Variants in OR2V2 observed in about 807,000 individuals in gnomAD.
OR2V2 encodes olfactory receptor 2V2.
For synonymous variants in OR2V2, 161 were observed against 151.3 expected (o/e 1.06, Z -0.47); for missense variants, 392 against 392.2 (o/e 1.00, Z 0.00).
rs201359383 is a variant in OR2V2, at chr5:181,155,136, G to A, written c.194G>A (p.Ser65Asn). The change falls in exon 2 of 2, where the codon AGC becomes AAC. Residue 65 changes from serine (S) to asparagine (N), a missense_variant. Coordinates refer to ENST00000641492, the MANE Select transcript of OR2V2 (RefSeq NM_206880.2). ...HLHTPMYFFL[S>N]QLSLMDLMLV... is the part of the protein sequence containing the mutation. ...CACACCCCCATGTACTTCTTCCTCA[G>A]CCAGCTCTCCCTCATGGACCTCATG... 4.3e-6 allele frequency: 7 copies of A among 1,614,142 alleles called. No individual in the cohort carries two copies. The Admixed American group carries it at 5.0e-5, about 12-fold the overall frequency.
chr5:181,154,273 A>G (rs528825068), intron 1 of OR2V2, among the ~76,000 whole-genome samples: 1 of 152,280 alleles, frequency 6.6e-6, no homozygotes, highest in African/African-American at 2.4e-5. Flanking sequence ...ATTGTTTCCC[A>G]AGTCCATGTG....
Position 181,155,520 on chromosome 5 carries a change from C to T in OR2V2, c.578C>T (p.Thr193Ile), listed in dbSNP as rs1162051654. 1.2e-6 allele frequency: 2 copies of T among 1,614,142 alleles called. No homozygotes were observed. The highest frequency in any genetic ancestry group is 2.2e-5 in the South Asian group (2 of 91,086). The part of the protein sequence containing the change: ...LSLLKLACVD[T>I]SLFEKVIFAC... The stretch of plus-strand genomic sequence containing the variant: ...TTGTTGAAGCTGGCCTGTGTAGACA[C>T]ATCCCTGTTTGAGAAGGTGATATTT... The change falls in exon 2 of 2, where the codon ACA (threonine) becomes ATA (isoleucine). Residue 193 changes from threonine to isoleucine, a missense_variant. Physicochemically the swap from Thr to Ile is moderately conservative, Grantham distance 89. Coordinates refer to ENST00000641492, the MANE Select transcript of OR2V2 (RefSeq NM_206880.2).
chr5:181,147,630 C>T lies in OR2V2; in HGVS notation c.-390C>T. ...AGTGGGAGGCGGTTCTGGAACCTGG[C>T]CAGAGCCAGGGTGTCCTGGAGGCAG... On this transcript the variant is annotated 5_prime_UTR_variant, in exon 1 of 2. Coordinates refer to ENST00000641492, the MANE Select transcript of OR2V2 (RefSeq NM_206880.2). 1 of 216,828 alleles carries T rather than the reference C, an allele frequency of 4.6e-6. No individual in the cohort carries two copies. The highest frequency in any genetic ancestry group is 9.0e-6 in the Non-Finnish European group (1 of 111,662). 13.4% of individuals were successfully genotyped at this position (216,828 alleles called of 1,614,324 possible).
Position 181,154,910 on chromosome 5 carries a change from T to C in OR2V2, c.-24-9T>C. 1 of 1,426,774 alleles carries C rather than the reference T, an allele frequency of 7.0e-7. No homozygotes were observed. 88.4% of individuals were successfully genotyped at this position (1,426,774 alleles called of 1,614,324 possible). On this transcript the variant is annotated splice_polypyrimidine_tract_variant and intron_variant, in intron 1 of 1. Transcript: ENST00000641492. The stretch of plus-strand genomic sequence containing the variant: ...CAGTCAATGTAACACATCTTGTCCA[T>C]ATTCTCAGGTGACCAGGAGCAACAA...
chr5:181,148,154 T>A (rs1446428907), intron 1 of OR2V2, among the ~76,000 whole-genome samples, 159 bp downstream of exon 1: 1 of 152,202 alleles, frequency 6.6e-6, no homozygotes, highest in Non-Finnish European at 1.5e-5. Context: ...TGGGGGGGCA[T>A]CCGCCTTCTG....
rs570784337 is a variant in OR2V2 at position 181,158,070 on chromosome 5, C to A, written c.*2180C>A. On this transcript the variant is annotated 3_prime_UTR_variant, in exon 2 of 2. Coordinates refer to ENST00000641492, the MANE Select transcript of OR2V2 (RefSeq NM_206880.2). Reference sequence around the variant, plus strand: ...CATTTCATTGGCATAGGCTTGATGTCCTTAATTCATTTCCCGCACAAGGAC... The same window carrying A: ...CATTTCATTGGCATAGGCTTGATGTACTTAATTCATTTCCCGCACAAGGAC... 1.4e-4 allele frequency: 22 copies of A among 152,240 alleles called. No homozygotes were observed. In the East Asian group the frequency reaches 3.7e-3, roughly 25 times the overall value. 9.4% of individuals were successfully genotyped at this position (152,240 alleles called of 1,614,324 possible). A position where few individuals can be genotyped will look rare whatever the true frequency, so the allele number is the denominator to read the frequency against.
At chr5:181,152,477 G>C in intron 1 of OR2V2, among the ~76,000 whole-genome samples, 1 of 152,196 alleles carries the variant, frequency 6.6e-6, no homozygotes, top group East Asian at 1.9e-4. Flanking sequence ...TTGGTGTCCT[G>C]TGAGATGCAG....
chr5:181,150,677 T>C (rs3901874), intron 1 of OR2V2, among the ~76,000 whole-genome samples: 44,067 of 151,970 alleles, frequency 0.29, 8,007 homozygotes, highest in African/African-American at 0.52. Flanking sequence ...ATAGAGCAGA[T>C]GATTCAGAAC....
intron 1 of OR2V2, among the ~76,000 whole-genome samples, chr5:181,153,809 A>G (rs1763222055): frequency 6.6e-6 from 1 of 152,262 alleles, no homozygotes; most frequent in African/African-American, 2.4e-5. Flanking sequence ...CCAGTGAAGT[A>G]TATCAGTTAC....
rs201359383 is a variant in OR2V2 at position 181,155,136 on chromosome 5, G to C, written c.194G>C (p.Ser65Thr). 1 of 1,614,024 alleles carries C rather than the reference G, an allele frequency of 6.2e-7. No individual in the cohort carries two copies. Among genetic ancestry groups the C allele is most frequent in the Non-Finnish European group, 8.5e-7 (1 of 1,180,046 alleles). Residue 65 changes from serine to threonine, a missense_variant, in exon 2 of 2, where the codon AGC becomes ACC. Coordinates refer to ENST00000641492, the MANE Select transcript of OR2V2 (RefSeq NM_206880.2). ...CACACCCCCATGTACTTCTTCCTCA[G>C]CCAGCTCTCCCTCATGGACCTCATG... ...HLHTPMYFFL[S>T]QLSLMDLMLV...
Position 181,155,912 on chromosome 5 carries a change from G to A in OR2V2, c.*22G>A. The A allele has an allele frequency of 6.3e-7, 1 of 1,590,034 alleles. No individual in the cohort carries two copies. The highest frequency in any genetic ancestry group is 1.3e-5 in the African/African-American group (1 of 74,426). On this transcript the variant is annotated 3_prime_UTR_variant, in exon 2 of 2. Transcript: ENST00000641492. ...CTGAACCCAGGGCATCCAGTGCCTG[G>A]CTCTGCCATCTCTTAGCTCCAGGGA...
At position 181,155,582 on chromosome 5, in the gene OR2V2, A is replaced by G. The variant is rs1763252730; in HGVS notation, c.640A>G (p.Ile214Val). Reference protein sequence around the residue: ...CVFMLLFPFSIIVASYAHILG... With the variant: ...CVFMLLFPFSVIVASYAHILG... ...CTTCATGCTTCTCTTCCCATTCTCC[A>G]TCATCGTGGCCTCCTATGCTCACAT... The change falls in exon 2 of 2, where the codon ATC (isoleucine) becomes GTC (valine). Residue 214 changes from isoleucine to valine, a missense_variant. Ile to Val is a conservative substitution (Grantham distance 29). Transcript: ENST00000641492. The G allele has an allele frequency of 6.2e-7, 1 of 1,614,036 alleles. No individual in the cohort carries two copies. The highest frequency in any genetic ancestry group is 8.5e-7 in the Non-Finnish European group (1 of 1,180,046).
At chr5:181,148,643 G>T (rs993232423) in intron 1 of OR2V2, among the ~76,000 whole-genome samples, 1 of 152,152 alleles carries the variant, frequency 6.6e-6, no homozygotes, top group Non-Finnish European at 1.5e-5. Context: ...ATCCCCCCAC[G>T]AGCACCAGAC....
chr5:181,148,146 G>A (rs76313065), intron 1 of OR2V2, among the ~76,000 whole-genome samples, 151 bp downstream of exon 1: 1 of 152,094 alleles, frequency 6.6e-6, no homozygotes, highest in Admixed American at 6.6e-5. Flanking sequence ...TGGATTTTTG[G>A]GGGGGCATCC....
rs1763261786 is a variant in OR2V2, at chr5:181,156,046, C to CTTTCTTTCTTTCTTTCTTTCTTTCT, written c.*160_*184dup. ...TTTTTAAACACTACATCAGTTCTTT[C>CTTTCTTTCTTTCTTTCTTTCTTTCT]TTTCTTTCTTTCTTTCTTTCTTTCT... On this transcript the variant is annotated 3_prime_UTR_variant, in exon 2 of 2. Coordinates refer to ENST00000641492, the MANE Select transcript of OR2V2 (RefSeq NM_206880.2). The CTTTCTTTCTTTCTTTCTTTCTTTCT allele has an allele frequency of 1.9e-6, 1 of 519,506 alleles. No homozygotes were observed. The highest frequency in any genetic ancestry group is 2.2e-5 in the African/African-American group (1 of 45,086). The allele number at this position is 519,506 out of a possible 1,614,324, so 32.2% of individuals were successfully genotyped here. A position where few individuals can be genotyped will look rare whatever the true frequency, so the allele number is the denominator to read the frequency against.
At chr5:181,150,656 C>T (rs1763179860) in intron 1 of OR2V2, among the ~76,000 whole-genome samples, 2 of 152,176 alleles carry the variant, frequency 1.3e-5, no homozygotes, top group Admixed American at 1.3e-4. Flanking sequence ...TCAGGACACT[C>T]AGCCAGTGGA....
chr5:181,151,613 C>G (rs1363585047), intron 1 of OR2V2, among the ~76,000 whole-genome samples: 1 of 152,102 alleles, frequency 6.6e-6, no homozygotes, highest in Non-Finnish European at 1.5e-5. Flanking sequence ...GGGGACATGA[C>G]TTTTGTAGGG....
Position 181,158,045 on chromosome 5 carries a change from C to T in OR2V2, c.*2155C>T, listed in dbSNP as rs1271517556. The T allele has an allele frequency of 6.6e-6, 1 of 152,220 alleles. No homozygotes were observed. 9.4% of individuals were successfully genotyped at this position (152,220 alleles called of 1,614,324 possible). A position where few individuals can be genotyped will look rare whatever the true frequency, so the allele number is the denominator to read the frequency against. On this transcript the variant is annotated 3_prime_UTR_variant, in exon 2 of 2. Transcript: ENST00000641492. ...GGAAATTCCTATTTCATTTTAATTG[C>T]ATTTCATTGGCATAGGCTTGATGTC...
At chr5:181,148,853 C>T (rs1763158720) in intron 1 of OR2V2, among the ~76,000 whole-genome samples, 1 of 152,318 alleles carries the variant, frequency 6.6e-6, no homozygotes, top group South Asian at 2.1e-4. Flanking sequence ...AAGGCAGGGC[C>T]TGTCTGGGAA....
Sources: gnomAD v4.1 joint callset for allele counts (sites outside exome capture counted in the v4.1 genomes callset) on GRCh38, gnomAD v4.1.1 for gene constraint, MANE v1.5 for transcripts, NCBI Gene and HGNC (gene_info 2026-07-23, HGNC 2026-07-21) for gene names.